TBC1D8B: variants seen among roughly 807,000 people sequenced by gnomAD.
The protein encoded by TBC1D8B is TBC1 domain family member 8B.
In TBC1D8B, 75 loss-of-function variants were observed where a neutral mutation model predicts 82.9. The observed-to-expected ratio is 0.90, with a 90% CI of 0.75 to 1.10. The LOEUF (loss-of-function observed/expected upper bound fraction) is 1.10, where lower values mean the gene tolerates loss of function less well. Ranked by LOEUF, TBC1D8B falls within the 50% of genes least tolerant of loss-of-function variation. The pLI is 0.00. For synonymous variants in TBC1D8B, 276 were observed against 276.8 expected, an observed-to-expected ratio of 1.00 and a Z score of 0.03; for missense variants, 794 against 796.9, an observed-to-expected ratio of 1.00 and a Z score of 0.04.
chrX:106,866,946 A>G (rs1328620517), intron 17 of TBC1D8B, 84 bp downstream of exon 17: 14 of 684,876 alleles, frequency 2.0e-5, no homozygotes, highest in South Asian at 1.8e-4. Context: ...TTTAACAACT[A>G]AACTAATTTT....
chrX:106,873,968 C>A lies in TBC1D8B; in HGVS notation c.*3C>A. The A allele has an allele frequency of 1.7e-6, 2 of 1,171,292 alleles. No homozygotes were observed. Among genetic ancestry groups the A allele is most frequent in the African/African-American group, 1.8e-5 (1 of 56,119 alleles). On this transcript the variant is annotated 3_prime_UTR_variant, in exon 21 of 21. Transcript: ENST00000357242. Reference sequence around the variant, plus strand: ...TAAGGTCTAGAACCAAGATGTAAATCCCTAGGAATTGCCTATCATAGACAA... The same window carrying A: ...TAAGGTCTAGAACCAAGATGTAAATACCTAGGAATTGCCTATCATAGACAA...
chrX:106,874,743 A>G lies in TBC1D8B; in HGVS notation c.*778A>G, dbSNP rs946938192. The G allele has an allele frequency of 1.8e-5, 2 of 112,084 alleles. No homozygotes were observed. The highest frequency in any genetic ancestry group is 3.2e-5 in the African/African-American group (1 of 30,874). The allele number at this position is 112,084 out of a possible 1,213,427, so 9.2% of individuals were successfully genotyped here. A position where few individuals can be genotyped will look rare whatever the true frequency, so the allele number is the denominator to read the frequency against. On this transcript the variant is annotated 3_prime_UTR_variant, in exon 21 of 21. Transcript: ENST00000357242. ...GCTAAGAAACAGTTCAATTAACTGT[A>G]TAGGTCTTTCATTAGACCGAGACAT...
intron 7 of TBC1D8B, among the ~76,000 whole-genome samples, chrX:106,838,021 G>C (rs1423281410): frequency 1.8e-5 from 2 of 111,450 alleles, no homozygotes; most frequent in African/African-American, 6.5e-5. Context: ...GTTTTAATAG[G>C]TGTGTAATGT....
intron 20 of TBC1D8B, 56 bp downstream of exon 20, chrX:106,870,869 G>A (rs1932844097): frequency 1.3e-6 from 1 of 787,071 alleles, no homozygotes; most frequent in East Asian, 3.4e-5. Flanking sequence ...ATGGATGTGG[G>A]TGTAACCTCT....
At chrX:106,825,054 A>G (rs1005758394) in intron 5 of TBC1D8B, among the ~76,000 whole-genome samples, 7 of 111,414 alleles carry the variant, frequency 6.3e-5, no homozygotes, top group Admixed American at 1.9e-4. Context: ...ATCATGGACA[A>G]CTTTCTATTC....
intron 11 of TBC1D8B, chrX:106,849,313 G>A: frequency 8.9e-7 from 1 of 1,120,363 alleles, no homozygotes; most frequent in African/African-American, 1.9e-5. Flanking sequence ...GTAGAAAAAG[G>A]AAAATCTGGG....
chrX:106,863,862 G>A (rs1236529830), intron 14 of TBC1D8B, among the ~76,000 whole-genome samples: 1 of 110,954 alleles, frequency 9.0e-6, no homozygotes, highest in East Asian at 2.9e-4. Flanking sequence ...GGTGTTGCTC[G>A]CCTGGCTACC....
At chrX:106,862,372 C>T (rs751973346) in intron 14 of TBC1D8B, among the ~76,000 whole-genome samples, 3 of 111,706 alleles carry the variant, frequency 2.7e-5, no homozygotes, top group African/African-American at 9.7e-5. Flanking sequence ...CCTTCCTCAG[C>T]TTGGTCTATT....
chrX:106,868,221 TA>T (rs1267123830), intron 17 of TBC1D8B, among the ~76,000 whole-genome samples, 171 bp from the exon 18 acceptor site: 2 of 110,484 alleles, frequency 1.8e-5, no homozygotes, highest in African/African-American at 3.3e-5. Context: ...TATTACAGTA[TA>T]ATTACTATAT....
Position 106,827,305 on chromosome X carries a change from G to T in TBC1D8B, c.1171G>T (p.Ala391Ser). The change falls in exon 7 of 21, where the codon GCT becomes TCT. Residue 391 changes from alanine to serine, a missense_variant. Transcript: ENST00000357242. The stretch of plus-strand genomic sequence containing the variant: ...AAAACTCAGGCTCAGATGCGGAGCA[G>T]CTTCAACTCAATATCATGATATTAG... Reference protein sequence around the residue: ...VAKLRLRCGAASTQYHDISTE... With the variant: ...VAKLRLRCGASSTQYHDISTE... 1 of 1,209,131 alleles carries T rather than the reference G, an allele frequency of 8.3e-7. No homozygotes were observed. Among genetic ancestry groups the T allele is most frequent in the East Asian group, 3.0e-5 (1 of 33,710 alleles).
At chrX:106,869,600 T>C (rs760608474) in intron 19 of TBC1D8B, 59 bp downstream of exon 19, 2 of 985,007 alleles carry the variant, frequency 2.0e-6, no homozygotes, top group Non-Finnish European at 1.4e-6. Context: ...TAAATAAGGA[T>C]AGCTACAAAG....
At chrX:106,850,384 G>A in intron 12 of TBC1D8B, 74 bp downstream of exon 12, 4 of 1,004,328 alleles carry the variant, frequency 4.0e-6, no homozygotes, top group Non-Finnish European at 5.2e-6. Context: ...CTATTTTACA[G>A]AGGAAACTGA....
chrX:106,832,801 A>C (rs758577974), intron 7 of TBC1D8B, among the ~76,000 whole-genome samples: 2 of 111,585 alleles, frequency 1.8e-5, no homozygotes, highest in South Asian at 7.5e-4. Context: ...AAATAGAAGT[A>C]ATGGGTTTCC....
intron 10 of TBC1D8B, among the ~76,000 whole-genome samples, chrX:106,845,164 C>T (rs933445677): frequency 3.3e-4 from 36 of 110,465 alleles, no homozygotes; most frequent in African/African-American, 1.1e-3. Flanking sequence ...CGCACTATCT[C>T]GTTCTTGCTC....
At chrX:106,804,625 G>A (rs1602400152) in intron 1 of TBC1D8B, among the ~76,000 whole-genome samples, 1 of 111,501 alleles carries the variant, frequency 9.0e-6, no homozygotes, top group Non-Finnish European at 1.9e-5. Context: ...ATTTCAGGCC[G>A]GGCACGGTGG....
chrX:106,856,815 T>C (rs908207508), intron 14 of TBC1D8B, among the ~76,000 whole-genome samples: 2 of 111,956 alleles, frequency 1.8e-5, no homozygotes, highest in Non-Finnish European at 3.8e-5. Flanking sequence ...ACATTTCTTA[T>C]TGGGTTTATT....
rs1932810496 is a variant in TBC1D8B, at chrX:106,865,809, C to G, written c.2438C>G (p.Ser813Cys). ...TTTTAATAGAAAGAGCTGTTTTTAT[C>G]TTGTTATTGGTGTTTGGGTTGCCCA... ...YVIFKKELFL[S>C]CYWCLGCPVL... Residue 813 changes from serine to cysteine, a missense_variant, in exon 16 of 21, where the codon TCT becomes TGT. Physicochemically the swap from Ser to Cys is moderately radical, Grantham distance 112 (BLOSUM62 -1). Transcript: ENST00000357242. The G allele has an allele frequency of 1.7e-6, 2 of 1,189,523 alleles. No individual in the cohort carries two copies. Among genetic ancestry groups the G allele is most frequent in the African/African-American group, 3.6e-5 (2 of 56,018 alleles).
At chrX:106,819,538 A>T (rs1396992963) in intron 2 of TBC1D8B, among the ~76,000 whole-genome samples, 2 of 111,148 alleles carry the variant, frequency 1.8e-5, no homozygotes, top group Non-Finnish European at 3.8e-5. Flanking sequence ...GATATATTAT[A>T]ATTTTTTAAA....
In TBC1D8B at chrX:106,827,212, A is replaced by G. The variant is rs1292277481; in HGVS notation, c.1078A>G (p.Ile360Val). The G allele has an allele frequency of 3.3e-6, 4 of 1,209,605 alleles. No individual in the cohort carries two copies. The highest frequency in any genetic ancestry group is 1.7e-5 in the African/African-American group (1 of 57,240). ...GACAAATGATTCCAGCAAATCTGTCATCATTAGCATCAAAGGAAAAACAGC... is the reference window on the plus strand; with the variant it reads ...GACAAATGATTCCAGCAAATCTGTCGTCATTAGCATCAAAGGAAAAACAGC... ...DKTNDSSKSV[I>V]ISIKGKTAFR... Residue 360 changes from isoleucine to valine, a missense_variant, in exon 7 of 21, where the codon ATC (isoleucine) becomes GTC (valine). Coordinates refer to ENST00000357242, the MANE Select transcript of TBC1D8B (RefSeq NM_017752.3).
Sources: allele counts gnomAD v4.1 joint callset (sites outside exome capture counted in the v4.1 genomes callset), GRCh38; gene constraint gnomAD v4.1.1; transcripts MANE v1.5; gene names NCBI Gene and HGNC (gene_info 2026-07-23, HGNC 2026-07-21).